The following TBC1D22B variants were observed in gnomAD, a reference collection of about 807,000 sequenced individuals.
TBC1D22B encodes TBC1 domain family member 22B.
TBC1D22B carries 32 observed loss-of-function variants against 69.1 expected under a neutral mutation model. The observed-to-expected ratio is 0.46, with a 90% CI of 0.35 to 0.62. The LOEUF is 0.62. Ranked by LOEUF, TBC1D22B falls within the 20% of genes least tolerant of loss-of-function variation. The pLI, the probability that TBC1D22B is intolerant of heterozygous loss-of-function variation, is 0.00. For missense variants in TBC1D22B, 462 were observed against 630.9 expected, an observed-to-expected ratio of 0.73 and a Z score of 2.87; for synonymous variants, 206 against 229.8, an observed-to-expected ratio of 0.90 and a Z score of 0.94.
chr6:37,274,153 C>T (rs1182886199), intron 2 of TBC1D22B, among the ~76,000 whole-genome samples: 1 of 152,210 alleles, frequency 6.6e-6, no homozygotes, highest in Non-Finnish European at 1.5e-5. Context: ...CTCAAGTATG[C>T]TAGGTCCTAA....
chr6:37,301,107 C>T (rs1157897909), intron 8 of TBC1D22B, among the ~76,000 whole-genome samples: 1 of 152,164 alleles, frequency 6.6e-6, no homozygotes, highest in Admixed American at 6.5e-5. Context: ...TAATGTCTTC[C>T]AGGTTCATCT....
At chr6:37,302,215 C>T (rs1489834348) in intron 8 of TBC1D22B, among the ~76,000 whole-genome samples, 2 of 152,228 alleles carry the variant, frequency 1.3e-5, no homozygotes, top group African/African-American at 4.8e-5. Context: ...CAAGCAGCTT[C>T]TTTATCTGCT....
chr6:37,327,371 G>C lies in TBC1D22B; in HGVS notation c.1390-3673G>C, dbSNP rs76011797. On this transcript the variant is annotated intron_variant, in intron 12 of 12. Transcript: ENST00000373491. ...TGGGCGCCTGTAGTCCCAGCTGCTC[G>C]GGAGGCTGAGGCAGGAGAATGGCGT... 3.8e-5 allele frequency among the ~76,000 whole-genome samples: 5 copies of C among 131,296 alleles called. 2 individuals are homozygous for C. The East Asian group carries it at 1.0e-3, about 27-fold the overall frequency. 86.1% of individuals were successfully genotyped at this position (131,296 alleles called of 152,430 possible). A position where few individuals can be genotyped will look rare whatever the true frequency, so the allele number is the denominator to read the frequency against.
intron 3 of TBC1D22B, among the ~76,000 whole-genome samples, chr6:37,281,739 A>G (rs1171592820): frequency 5.3e-5 from 8 of 152,200 alleles, no homozygotes; most frequent in African/African-American, 1.9e-4. Flanking sequence ...GTGGTGTGGA[A>G]TGGGAAGGAA....
chr6:37,267,442 TATATA>T (rs1355744760), intron 1 of TBC1D22B, among the ~76,000 whole-genome samples: 74 of 141,978 alleles, frequency 5.2e-4, no homozygotes, highest in Middle Eastern at 3.6e-3. Flanking sequence ...TATACACACA[TATATA>T]ATATATATAT....
rs990032130 is a variant in TBC1D22B, at chr6:37,331,745, A to G, written c.*573A>G. On this transcript the variant is annotated 3_prime_UTR_variant, in exon 13 of 13. Coordinates refer to ENST00000373491, the MANE Select transcript of TBC1D22B (RefSeq NM_017772.4). ...AGAGGCCTACACCCAAGGGCTAGGA[A>G]TTTTATTTTTCCTTTTCTCACCAGG... 6.6e-6 allele frequency: 1 copy of G among 152,652 alleles called. No homozygotes were observed. The highest frequency in any genetic ancestry group is 1.5e-5 in the Non-Finnish European group (1 of 68,160). The allele number at this position is 152,652 out of a possible 1,614,324, so 9.5% of individuals were successfully genotyped here.
intron 8 of TBC1D22B, among the ~76,000 whole-genome samples, chr6:37,310,499 T>A (rs1767873101): frequency 6.6e-6 from 1 of 152,074 alleles, no homozygotes; most frequent in South Asian, 2.1e-4. Context: ...TGAAACCCCG[T>A]CGCTACTGAA....
intron 8 of TBC1D22B, among the ~76,000 whole-genome samples, chr6:37,294,966 T>C (rs1356203510): frequency 6.6e-6 from 1 of 152,230 alleles, no homozygotes; most frequent in Non-Finnish European, 1.5e-5. Context: ...ACATACTTTC[T>C]TGAGATGGAA....
chr6:37,267,255 TA>T (rs1766308404), intron 1 of TBC1D22B, among the ~76,000 whole-genome samples: 1 of 149,128 alleles, frequency 6.7e-6, no homozygotes, highest in Admixed American at 6.7e-5. Flanking sequence ...ATTTTCTTCT[TA>T]AAAAAGTCTT....
At position 37,282,169 on chromosome 6, in the gene TBC1D22B, T is replaced by A; in HGVS notation, c.422-16T>A. On this transcript the variant is annotated splice_polypyrimidine_tract_variant and intron_variant, in intron 3 of 12. Coordinates refer to ENST00000373491, the MANE Select transcript of TBC1D22B (RefSeq NM_017772.4). ...CCTCACACAGCCCGTTCTCTTTCTT[T>A]TTCAAATGATCTCAGGTGATACATG... The A allele has an allele frequency of 6.2e-7, 1 of 1,613,942 alleles. No individual in the cohort carries two copies. The highest frequency in any genetic ancestry group is 8.5e-7 in the Non-Finnish European group (1 of 1,179,840).
At chr6:37,323,281 G>A (rs1051908674) in intron 12 of TBC1D22B, among the ~76,000 whole-genome samples, 7 of 152,098 alleles carry the variant, frequency 4.6e-5, no homozygotes, top group African/African-American at 1.2e-4. Context: ...TAATCCCAGC[G>A]CTTTGGGAGA....
intron 10 of TBC1D22B, among the ~76,000 whole-genome samples, chr6:37,314,268 A>C (rs978276205): frequency 2.0e-5 from 3 of 152,146 alleles, no homozygotes; most frequent in Admixed American, 1.3e-4. Context: ...ATCTTTCTGC[A>C]GCTCTGTTCT....
intron 12 of TBC1D22B, among the ~76,000 whole-genome samples, chr6:37,326,819 C>A (rs1252262834): frequency 6.6e-6 from 1 of 152,056 alleles, no homozygotes; most frequent in African/African-American, 2.4e-5. Flanking sequence ...TCTTACCACA[C>A]AGAGGTGAAT....
chr6:37,282,053 G>T (rs1308912770), intron 3 of TBC1D22B, 132 bp from the exon 4 acceptor site: 12 of 978,192 alleles, frequency 1.2e-5, no homozygotes, highest in Non-Finnish European at 1.1e-5. Context: ...CTTCAGCTGG[G>T]CACCTCAGAC....
chr6:37,281,599 G>A (rs115335629), intron 3 of TBC1D22B, among the ~76,000 whole-genome samples: 422 of 152,292 alleles, frequency 2.8e-3, no homozygotes, highest in African/African-American at 9.7e-3. Context: ...CAGGATGTGC[G>A]GGGATATTGA....
intron 3 of TBC1D22B, among the ~76,000 whole-genome samples, chr6:37,279,922 A>C (rs1766774838): frequency 6.6e-6 from 1 of 152,178 alleles, no homozygotes; most frequent in Admixed American, 6.5e-5. Flanking sequence ...ATTGCTTCAC[A>C]TTGCTTTAGG....
At chr6:37,302,852 A>G (rs901487857) in intron 8 of TBC1D22B, among the ~76,000 whole-genome samples, 9 of 152,182 alleles carry the variant, frequency 5.9e-5, no homozygotes, top group African/African-American at 9.7e-5. Flanking sequence ...AGAAAAGCTT[A>G]TTTCTCTCAC....
intron 2 of TBC1D22B, 86 bp downstream of exon 2, chr6:37,269,736 T>C: frequency 7.5e-7 from 1 of 1,326,936 alleles, no homozygotes; most frequent in South Asian, 1.2e-5. Flanking sequence ...GTTTCCACCT[T>C]GACATTTTTT....
chr6:37,322,837 G>A (rs1023519674), intron 12 of TBC1D22B, among the ~76,000 whole-genome samples: 11 of 152,158 alleles, frequency 7.2e-5, no homozygotes, highest in Admixed American at 4.6e-4. Context: ...GGGTTACAAC[G>A]GGGAGCAGGG....
Sources: gnomAD v4.1 joint callset for allele counts (sites outside exome capture counted in the v4.1 genomes callset) on GRCh38, gnomAD v4.1.1 for gene constraint, MANE v1.5 for transcripts, NCBI Gene and HGNC (gene_info 2026-07-23, HGNC 2026-07-21) for gene names.